The following VPS45 variants were observed in gnomAD, a reference collection of about 807,000 sequenced individuals.
The protein encoded by VPS45 is vacuolar protein sorting-associated protein 45.
A neutral mutation model predicts 75.9 loss-of-function variants in VPS45; 35 were observed. The ratio of observed to expected loss-of-function variants is 0.46; its 90% confidence interval spans 0.35 to 0.61. The LOEUF is 0.61. Among genes scored for constraint, VPS45 ranks in the 20% least tolerant of loss-of-function variants. The pLI, the probability that VPS45 is intolerant of heterozygous loss-of-function variation, is 0.00. For synonymous variants in VPS45, 220 were observed against 238.2 expected (o/e 0.92, Z 0.70); for missense variants, 559 against 685.9 (o/e 0.81, Z 2.07).
intron 13 of VPS45, 60 bp downstream of exon 13, chr1:150,093,708 G>A: frequency 6.4e-7 from 1 of 1,572,178 alleles, no homozygotes; most frequent in Non-Finnish European, 8.6e-7. Flanking sequence ...AGAAAATTTA[G>A]AGTAATGTTA....
chr1:150,122,632 A>C (rs1658295522), intron 14 of VPS45, among the ~76,000 whole-genome samples: 1 of 152,056 alleles, frequency 6.6e-6, no homozygotes, highest in Admixed American at 6.6e-5. Context: ...CAAGTCACCC[A>C]TTTGAAGTGT....
In VPS45 at chr1:150,068,002, T is replaced by C. The variant is rs587642024; in HGVS notation, c.93+52T>C. On this transcript the variant is annotated intron_variant, in intron 1 of 14. Transcript: ENST00000644510. ...TGAAGGAACCCTCTCAACCTTACAA[T>C]TGCTCGTCCCATTCCACTGTAGGAC... 2.6e-5 allele frequency: 40 copies of C among 1,531,718 alleles called. 1 individual carries two copies. The African/African-American group carries it at 3.4e-4, about 13-fold the overall frequency. 94.9% of individuals were successfully genotyped at this position (1,531,718 alleles called of 1,614,324 possible). A position where few individuals can be genotyped will look rare whatever the true frequency, so the allele number is the denominator to read the frequency against.
intron 13 of VPS45, among the ~76,000 whole-genome samples, chr1:150,096,427 A>T (rs1045360165): frequency 4.6e-5 from 7 of 152,224 alleles, no homozygotes; most frequent in Non-Finnish European, 8.8e-5. Flanking sequence ...TCAAGATTTC[A>T]TAGGGGGTTC....
chr1:150,099,068 A>T, intron 13 of VPS45: 1 of 1,052,944 alleles, frequency 9.5e-7, no homozygotes, highest in Non-Finnish European at 1.2e-6. Flanking sequence ...TGCTCATAAG[A>T]ACTGTACCAT....
At chr1:150,082,945 T>A in intron 10 of VPS45, 62 bp downstream of exon 10, 1 of 1,467,122 alleles carries the variant, frequency 6.8e-7, no homozygotes, top group Admixed American at 2.5e-5. Flanking sequence ...GAGCAAGAGA[T>A]AAAAAGGCAA....
rs372272878 is a variant in VPS45, at chr1:150,093,409, G to A, written c.1372-118G>A. 1.5e-3 allele frequency: 1,710 copies of A among 1,154,116 alleles called. 34 individuals carry two copies. The South Asian group carries it at 0.034, about 23-fold the overall frequency. 71.5% of individuals were successfully genotyped at this position (1,154,116 alleles called of 1,614,324 possible). A position where few individuals can be genotyped will look rare whatever the true frequency, so the allele number is the denominator to read the frequency against. On this transcript the variant is annotated intron_variant, in intron 12 of 14. Transcript: ENST00000644510. ...TAATTTTTAAATTTCCCACAGTTACGTAAATCTATCCCATGAAATCTCTAT... is the reference window on the plus strand; with the variant it reads ...TAATTTTTAAATTTCCCACAGTTACATAAATCTATCCCATGAAATCTCTAT...
At chr1:150,069,018 G>A (rs782025201) in intron 2 of VPS45, among the ~76,000 whole-genome samples, 2 of 152,072 alleles carry the variant, frequency 1.3e-5, no homozygotes, top group Admixed American at 6.6e-5. Flanking sequence ...TACTCTTAAC[G>A]GAGACCCACA....
intron 14 of VPS45, among the ~76,000 whole-genome samples, chr1:150,126,356 A>G (rs1366353182): frequency 6.6e-6 from 1 of 151,994 alleles, no homozygotes; most frequent in Non-Finnish European, 1.5e-5. Flanking sequence ...GACTACAGGC[A>G]TCTGCCACCA....
intron 2 of VPS45, among the ~76,000 whole-genome samples, chr1:150,071,450 T>C (rs1173837243): frequency 1.3e-5 from 2 of 152,202 alleles, no homozygotes; most frequent in Non-Finnish European, 2.9e-5. Context: ...TTCTCTTGCA[T>C]GTTAATTTTT....
intron 13 of VPS45, among the ~76,000 whole-genome samples, chr1:150,103,896 C>T (rs1462071743): frequency 6.6e-6 from 1 of 152,046 alleles, no homozygotes; most frequent in Non-Finnish European, 1.5e-5. Flanking sequence ...TCACTGTACC[C>T]CTGCAAAGGA....
rs782040140 is a variant in VPS45 at position 150,067,827 on chromosome 1, A to G, written c.-31A>G. Reference sequence around the variant, plus strand: ...AATTTAGCCAGAAAAGGGGGCGGGAAGGGCTGTAGGGTACTTGTCAATTCG... The same window carrying G: ...AATTTAGCCAGAAAAGGGGGCGGGAGGGGCTGTAGGGTACTTGTCAATTCG... On this transcript the variant is annotated 5_prime_UTR_variant, in exon 1 of 15. Coordinates refer to ENST00000644510, the MANE Select transcript of VPS45 (RefSeq NM_007259.5). 5.6e-6 allele frequency: 9 copies of G among 1,606,904 alleles called. No homozygotes were observed. Among genetic ancestry groups the G allele is most frequent in the African/African-American group, 1.3e-5 (1 of 74,770 alleles).
intron 10 of VPS45, among the ~76,000 whole-genome samples, chr1:150,084,311 G>A (rs1394669301): frequency 6.6e-6 from 1 of 152,144 alleles, no homozygotes; most frequent in Non-Finnish European, 1.5e-5. Context: ...TTGAGGTGAG[G>A]AAGGCAGTAT....
intron 14 of VPS45, among the ~76,000 whole-genome samples, chr1:150,122,077 T>C (rs1444741089): frequency 1.3e-5 from 2 of 152,096 alleles, no homozygotes; most frequent in East Asian, 1.9e-4. Context: ...TCCCAGCACT[T>C]TGGGGGGCCA....
At chr1:150,069,496 G>A (rs1183970304) in intron 2 of VPS45, among the ~76,000 whole-genome samples, 6 of 116,808 alleles carry the variant, frequency 5.1e-5, no homozygotes, top group Admixed American at 1.2e-4. Context: ...TCGCTCTGTC[G>A]CCCAGGCTGG....
chr1:150,091,061 G>T (rs1330347920), intron 10 of VPS45, among the ~76,000 whole-genome samples: 1 of 152,170 alleles, frequency 6.6e-6, no homozygotes, highest in Non-Finnish European at 1.5e-5. Context: ...TATGCCTTCT[G>T]TGTTAAACTG....
intron 10 of VPS45, 57 bp downstream of exon 10, chr1:150,082,940 A>G (rs1655798977): frequency 6.7e-7 from 1 of 1,485,804 alleles, no homozygotes; most frequent in Non-Finnish European, 9.0e-7. Context: ...AGGCAGAGCA[A>G]GAGATAAAAA....
intron 8 of VPS45, 21 bp downstream of exon 8, chr1:150,081,497 T>A (rs782503177): frequency 5.0e-6 from 8 of 1,591,986 alleles, no homozygotes; most frequent in African/African-American, 2.7e-5. Flanking sequence ...TAAATTTTTT[T>A]AAATTGTCTT....
intron 14 of VPS45, among the ~76,000 whole-genome samples, chr1:150,123,374 C>G (rs1553810069): frequency 6.6e-6 from 1 of 152,100 alleles, no homozygotes; most frequent in African/African-American, 2.4e-5. Context: ...TTAAGCAGAG[C>G]CATGACACCT....
At chr1:150,075,762 A>T (rs1655337860) in intron 3 of VPS45, among the ~76,000 whole-genome samples, 1 of 151,968 alleles carries the variant, frequency 6.6e-6, no homozygotes, top group African/African-American at 2.4e-5. Flanking sequence ...TCATTCTCCA[A>T]TTCCTCCGAT....
Sources: gnomAD v4.1 joint callset for allele counts (sites outside exome capture counted in the v4.1 genomes callset) on GRCh38, gnomAD v4.1.1 for gene constraint, MANE v1.5 for transcripts, NCBI Gene and HGNC (gene_info 2026-07-23, HGNC 2026-07-21) for gene names.